ARHGEF9: variants seen among roughly 807,000 people sequenced by gnomAD.
The protein encoded by ARHGEF9 is Cdc42 guanine nucleotide exchange factor 9.
In ARHGEF9, 2 loss-of-function variants were observed where a neutral mutation model predicts 41.3. The ratio of observed to expected loss-of-function variants is 0.05; its 90% CI spans 0.02 to 0.15. The LOEUF (loss-of-function observed/expected upper bound fraction) is 0.15, where lower values mean the gene tolerates loss of function less well. Among genes scored for constraint, ARHGEF9 ranks in the 10% least tolerant of loss-of-function variants. ARHGEF9 has a pLI of 1.00. For synonymous variants in ARHGEF9, 160 were observed against 154.4 expected, an observed-to-expected ratio of 1.04 and a Z score of -0.27; for missense variants, 225 against 424.7, an observed-to-expected ratio of 0.53 and a Z score of 4.13.
At chrX:63,782,003 T>C (rs1424844669) in intron 1 of ARHGEF9, among the ~76,000 whole-genome samples, 1 of 112,147 alleles carries the variant, frequency 8.9e-6, no homozygotes, top group African/African-American at 3.2e-5. Flanking sequence ...TAGTGAGGCT[T>C]TGATGGATCT....
At chrX:63,645,275 T>G (rs1485172835) in intron 8 of ARHGEF9, among the ~76,000 whole-genome samples, 1 of 110,692 alleles carries the variant, frequency 9.0e-6, no homozygotes. Flanking sequence ...ATGTGCACAA[T>G]GTACAGGTTT....
chrX:63,769,074 C>T (rs1206807606), intron 1 of ARHGEF9, among the ~76,000 whole-genome samples: 1 of 111,550 alleles, frequency 9.0e-6, no homozygotes, highest in Non-Finnish European at 1.9e-5. Context: ...CAGAAGAAGA[C>T]AGGAAAATGT....
At chrX:63,771,266 T>C (rs1447800720) in intron 1 of ARHGEF9, among the ~76,000 whole-genome samples, 1 of 112,314 alleles carries the variant, frequency 8.9e-6, no homozygotes, top group Non-Finnish European at 1.9e-5. Context: ...GGGCCCTTGC[T>C]ATATGAAAGA....
At chrX:63,699,138 G>A (rs1450096026) in intron 3 of ARHGEF9, among the ~76,000 whole-genome samples, 3 of 111,672 alleles carry the variant, frequency 2.7e-5, no homozygotes, top group Non-Finnish European at 5.6e-5. Context: ...AGCTACAATG[G>A]AGCAGGGAGA....
At chrX:63,731,145 G>A (rs781911157) in intron 1 of ARHGEF9, among the ~76,000 whole-genome samples, 2 of 111,998 alleles carry the variant, frequency 1.8e-5, no homozygotes, top group Admixed American at 9.4e-5. Flanking sequence ...AAGAAGCTCC[G>A]TAGGAGGAAA....
At chrX:63,655,948 G>A (rs782186561) in intron 7 of ARHGEF9, among the ~76,000 whole-genome samples, 4 of 111,928 alleles carry the variant, frequency 3.6e-5, no homozygotes, top group Admixed American at 1.9e-4. Flanking sequence ...GTCTCACCTC[G>A]AAAGATCATT....
At chrX:63,698,391 C>T (rs2051923221) in intron 3 of ARHGEF9, among the ~76,000 whole-genome samples, 1 of 110,417 alleles carries the variant, frequency 9.1e-6, no homozygotes, top group Non-Finnish European at 1.9e-5. Flanking sequence ...ATTGCATCTT[C>T]CATTTGGAAC....
At chrX:63,671,618 C>T (rs1291974470) in intron 6 of ARHGEF9, 1 of 112,442 alleles carries the variant, frequency 8.9e-6, no homozygotes. Flanking sequence ...CACTGACTTG[C>T]TGTGTGGCCT....
chrX:63,651,670 T>C (rs1556328948), intron 8 of ARHGEF9, among the ~76,000 whole-genome samples: 1 of 110,526 alleles, frequency 9.0e-6, no homozygotes, highest in African/African-American at 3.3e-5. Flanking sequence ...AAGATGAAAC[T>C]AGGGGCCAAA....
At chrX:63,689,830 C>T (rs782778036) in intron 4 of ARHGEF9, among the ~76,000 whole-genome samples, 22 of 111,872 alleles carry the variant, frequency 2.0e-4, no homozygotes, top group Non-Finnish European at 2.8e-4. Context: ...CACTAGAAAT[C>T]AGTAAGAAGA....
chrX:63,646,512 T>A (rs1365974064), intron 8 of ARHGEF9, among the ~76,000 whole-genome samples: 1 of 112,063 alleles, frequency 8.9e-6, no homozygotes, highest in Non-Finnish European at 1.9e-5. Context: ...CTTGTTTTTC[T>A]CAGGTTTGTC....
intron 2 of ARHGEF9, chrX:63,713,232 T>C (rs1184903890): frequency 9.0e-6 from 1 of 111,286 alleles, no homozygotes; most frequent in Non-Finnish European, 1.9e-5. Flanking sequence ...TGAGGGGTTA[T>C]TGCCAGTCTT....
At chrX:63,739,189 G>A (rs1556425072) in intron 1 of ARHGEF9, among the ~76,000 whole-genome samples, 1 of 111,857 alleles carries the variant, frequency 8.9e-6, no homozygotes, top group East Asian at 2.8e-4. Context: ...CCAAAAAACT[G>A]TGAGGAGGTG....
intron 1 of ARHGEF9, among the ~76,000 whole-genome samples, chrX:63,769,509 T>G (rs2056168296): frequency 9.0e-6 from 1 of 111,095 alleles, no homozygotes; most frequent in Non-Finnish European, 1.9e-5. Flanking sequence ...TAACAAGAAG[T>G]TAAATGTTAA....
Position 63,635,981 on chromosome X carries a change from G to C in ARHGEF9, c.*2047C>G, listed in dbSNP as rs1375417167. 8.9e-6 allele frequency: 1 copy of C among 112,890 alleles called. No homozygotes were observed. Among genetic ancestry groups the C allele is most frequent in the Non-Finnish European group, 1.9e-5 (1 of 53,757 alleles). The allele number at this position is 112,890 out of a possible 1,213,427, so 9.3% of individuals were successfully genotyped here. A position where few individuals can be genotyped will look rare whatever the true frequency, so the allele number is the denominator to read the frequency against. ...GTGCTGAACAGTGGTGGCCAGTCCC[G>C]AGCCCCGGCCCTCTCCCCAGATCAG... is the stretch of plus-strand genomic sequence containing the variant. On this transcript the variant is annotated 3_prime_UTR_variant, in exon 10 of 10. Coordinates refer to ENST00000671741, the MANE Select transcript of ARHGEF9 (RefSeq NM_001353921.2).
In ARHGEF9 at chrX:63,678,670, A is replaced by G. The variant is rs1602362216; in HGVS notation, c.583-98T>C. The G allele has an allele frequency of 8.8e-6, 5 of 565,133 alleles. No homozygotes were observed. The East Asian group carries it at 1.8e-4, about 20-fold the overall frequency. 46.6% of individuals were successfully genotyped at this position (565,133 alleles called of 1,213,427 possible). On this transcript the variant is annotated intron_variant, in intron 4 of 9. Transcript: ENST00000671741. ...ACAGATCATATTCTTAGGCAGAAAT[A>G]TTAAAATGATAATGAGTCAATTATT...
chrX:63,779,491 T>G (rs1364680316), intron 1 of ARHGEF9, among the ~76,000 whole-genome samples: 14 of 111,181 alleles, frequency 1.3e-4, no homozygotes, highest in African/African-American at 4.6e-4. Context: ...GAGAACAACA[T>G]GAGGGTAACT....
intron 1 of ARHGEF9, among the ~76,000 whole-genome samples, chrX:63,767,573 G>T (rs1360986757): frequency 8.9e-6 from 1 of 111,966 alleles, no homozygotes; most frequent in Non-Finnish European, 1.9e-5. Flanking sequence ...TGAGACAAAG[G>T]TTAATAAAGT....
In ARHGEF9 at chrX:63,637,140, C is replaced by G; in HGVS notation, c.*888G>C. ...AAAGAGAATAACTCGATCAAACTAA[C>G]TCCTAGATGCAAAATTGCAACGACC... is the stretch of plus-strand genomic sequence containing the variant. On this transcript the variant is annotated 3_prime_UTR_variant, in exon 10 of 10. Coordinates refer to ENST00000671741, the MANE Select transcript of ARHGEF9 (RefSeq NM_001353921.2). 1 of 297,425 alleles carries G rather than the reference C, an allele frequency of 3.4e-6. No homozygotes were observed. The highest frequency in any genetic ancestry group is 5.9e-6 in the Non-Finnish European group (1 of 170,318). 24.5% of individuals were successfully genotyped at this position (297,425 alleles called of 1,213,427 possible). A position where few individuals can be genotyped will look rare whatever the true frequency, so the allele number is the denominator to read the frequency against.
Sources: gnomAD v4.1 joint callset for allele counts (sites outside exome capture counted in the v4.1 genomes callset) on GRCh38, gnomAD v4.1.1 for gene constraint, MANE v1.5 for transcripts, NCBI Gene and HGNC (gene_info 2026-07-23, HGNC 2026-07-21) for gene names.